Variants in NEGR1 observed in about 807,000 individuals in gnomAD.
NEGR1 encodes IgLON family member 4.
Under a neutral mutation model 40.9 loss-of-function variants are expected in NEGR1, and 10 were observed. The observed-to-expected ratio is 0.24, with a 90% CI of 0.15 to 0.42. The LOEUF is 0.42. Among genes scored for constraint, NEGR1 ranks in the 10% least tolerant of loss-of-function variants. The pLI is 1.00. For missense variants in NEGR1, 352 were observed against 438.9 expected, an observed-to-expected ratio of 0.80 and a Z score of 1.77; for synonymous variants, 185 against 166.8, an observed-to-expected ratio of 1.11 and a Z score of -0.84.
intron 2 of NEGR1, among the ~76,000 whole-genome samples, chr1:71,804,826 G>A (rs1273706057): frequency 6.6e-6 from 1 of 152,166 alleles, no homozygotes; most frequent in African/African-American, 2.4e-5. Flanking sequence ...AAAAAGAACA[G>A]GATAACAGCA....
At chr1:71,568,972 A>T (rs1454635222) in intron 6 of NEGR1, among the ~76,000 whole-genome samples, 1 of 149,200 alleles carries the variant, frequency 6.7e-6, no homozygotes, top group Admixed American at 6.7e-5. Flanking sequence ...GCAGGAGTGC[A>T]GTGGGATGAT....
intron 2 of NEGR1, among the ~76,000 whole-genome samples, chr1:71,911,369 G>T (rs1202904609): frequency 2.0e-5 from 3 of 152,040 alleles, no homozygotes; most frequent in Admixed American, 2.0e-4. Flanking sequence ...CTTAAAACCT[G>T]GCTCTATTAT....
chr1:71,739,199 G>GAAAAAAAAAAAAAA (rs776411417), intron 3 of NEGR1, among the ~76,000 whole-genome samples: 2 of 63,650 alleles, frequency 3.1e-5, no homozygotes, highest in African/African-American at 1.1e-4. Flanking sequence ...AAGGCAGGCA[G>GAAAAAAAAAAAAAA]AAAAAAAAAA....
intron 2 of NEGR1, among the ~76,000 whole-genome samples, chr1:71,921,503 A>G (rs1272754842): frequency 6.6e-6 from 1 of 152,064 alleles, no homozygotes; most frequent in Non-Finnish European, 1.5e-5. Context: ...GAAGATGAGC[A>G]TAAAGAACTT....
At chr1:71,570,352 G>T (rs1648770997) in intron 6 of NEGR1, among the ~76,000 whole-genome samples, 1 of 151,996 alleles carries the variant, frequency 6.6e-6, no homozygotes, top group Non-Finnish European at 1.5e-5. Context: ...ATAGCTCATT[G>T]GGGGTTTTTA....
At chr1:72,171,354 A>C (rs1651957740) in intron 1 of NEGR1, among the ~76,000 whole-genome samples, 1 of 152,198 alleles carries the variant, frequency 6.6e-6, no homozygotes, top group Non-Finnish European at 1.5e-5. Flanking sequence ...ACAGACGCTC[A>C]TGGTGTAAGA....
intron 6 of NEGR1, chr1:71,489,822 A>G (rs1020459957): frequency 3.9e-5 from 6 of 151,960 alleles, no homozygotes; most frequent in African/African-American, 1.4e-4. Flanking sequence ...GCAGAAAACA[A>G]AAGCCCAAAC....
At chr1:72,231,507 A>T (rs1438972941) in intron 1 of NEGR1, among the ~76,000 whole-genome samples, 1 of 152,188 alleles carries the variant, frequency 6.6e-6, no homozygotes, top group African/African-American at 2.4e-5. Context: ...AGTTAATGTA[A>T]GAAGTGTACT....
intron 1 of NEGR1, among the ~76,000 whole-genome samples, chr1:72,176,018 T>A (rs1652151835): frequency 6.6e-6 from 1 of 152,126 alleles, no homozygotes; most frequent in Non-Finnish European, 1.5e-5. Flanking sequence ...ACAGCTAAAA[T>A]TCAGAACTGA....
At chr1:71,442,342 C>T (rs1383021277) in intron 6 of NEGR1, among the ~76,000 whole-genome samples, 4 of 148,406 alleles carry the variant, frequency 2.7e-5, no homozygotes, top group Admixed American at 6.8e-5. Context: ...CAGCCGGGTG[C>T]GGTGGCTCAA....
chr1:71,844,369 T>C (rs956265583), intron 2 of NEGR1, among the ~76,000 whole-genome samples: 1 of 152,164 alleles, frequency 6.6e-6, no homozygotes, highest in Non-Finnish European at 1.5e-5. Context: ...TGTTTAATGT[T>C]CCCTAACAGA....
intron 4 of NEGR1, among the ~76,000 whole-genome samples, chr1:71,662,370 T>C (rs2101591720): frequency 6.6e-6 from 1 of 152,304 alleles, no homozygotes; most frequent in South Asian, 2.1e-4. Flanking sequence ...AATTTGGAAG[T>C]GGTTATGCAT....
chr1:72,212,654 T>C (rs1420858667), intron 1 of NEGR1, among the ~76,000 whole-genome samples: 1 of 151,960 alleles, frequency 6.6e-6, no homozygotes, highest in African/African-American at 2.4e-5. Context: ...AAAGAAGTAA[T>C]AATCCAAATA....
chr1:72,073,593 C>T (rs1295852130), intron 1 of NEGR1, among the ~76,000 whole-genome samples: 2 of 151,980 alleles, frequency 1.3e-5, no homozygotes, highest in Admixed American at 1.3e-4. Context: ...ACATTTTTAA[C>T]AAACAACATA....
At chr1:72,166,902 AC>A (rs1278133137) in intron 1 of NEGR1, among the ~76,000 whole-genome samples, 2 of 152,088 alleles carry the variant, frequency 1.3e-5, no homozygotes, top group East Asian at 3.9e-4. Context: ...CCACTTAAAA[AC>A]AAAAACAAAG....
intron 1 of NEGR1, among the ~76,000 whole-genome samples, chr1:72,194,278 G>A (rs1300152193): frequency 1.3e-5 from 2 of 151,798 alleles, no homozygotes; most frequent in African/African-American, 4.8e-5. Context: ...TAATATTTTT[G>A]CAAGTATACT....
At chr1:72,259,356 A>G (rs1655379602) in intron 1 of NEGR1, among the ~76,000 whole-genome samples, 1 of 152,068 alleles carries the variant, frequency 6.6e-6, no homozygotes, top group Non-Finnish European at 1.5e-5. Flanking sequence ...GGTGCCATCT[A>G]AGGTGGATAA....
At chr1:71,638,764 C>A (rs1041676) in intron 4 of NEGR1, among the ~76,000 whole-genome samples, 1 of 151,636 alleles carries the variant, frequency 6.6e-6, no homozygotes, top group African/African-American at 2.4e-5. Flanking sequence ...CAGAGAAGAA[C>A]GTTATTAATA....
chr1:71,431,549 TCC>T (rs1406072819), intron 6 of NEGR1, among the ~76,000 whole-genome samples: 5 of 99,528 alleles, frequency 5.0e-5, no homozygotes, highest in African/African-American at 1.3e-4. Flanking sequence ...CATCCATCCA[TCC>T]ATCCATCTGT....
Sources: gnomAD v4.1 joint callset for allele counts (sites outside exome capture counted in the v4.1 genomes callset) on GRCh38, gnomAD v4.1.1 for gene constraint, MANE v1.5 for transcripts, NCBI Gene and HGNC (gene_info 2026-07-23, HGNC 2026-07-21) for gene names.